CA14: variants seen among roughly 807,000 people sequenced by gnomAD.
CA14 encodes the protein carbonic anhydrase 14, also known as CA-XIV.
A neutral mutation model predicts 48.8 loss-of-function variants in CA14; 44 were observed. The ratio of observed to expected loss-of-function variants is 0.90; its 90% CI spans 0.71 to 1.16. The LOEUF (loss-of-function observed/expected upper bound fraction) is 1.16. Among genes scored for constraint, CA14 ranks in the 50% most tolerant of loss-of-function variants. CA14 has a pLI of 0.00. For missense variants in CA14, 386 were observed against 401.0 expected (o/e 0.96, Z 0.32); for synonymous variants, 154 against 155.0 (o/e 0.99, Z 0.05).
chr1:150,263,026 A>C lies in CA14; in HGVS notation c.563-16A>C, dbSNP rs782090209. On this transcript the variant is annotated splice_polypyrimidine_tract_variant and intron_variant, in intron 6 of 10. Coordinates refer to ENST00000369111, the MANE Select transcript of CA14 (RefSeq NM_012113.3). ...GCACACTGAAAGGAAGATGAGTCCC[A>C]GTCTGTTCTCCCCAGATCAGAAGAC... is the stretch of plus-strand genomic sequence containing the variant. 3.1e-6 allele frequency: 5 copies of C among 1,613,584 alleles called. No homozygotes were observed. In the Admixed American group the frequency reaches 8.3e-5, roughly 27 times the overall value.
intron 1 of CA14, 29 bp downstream of exon 1, chr1:150,258,212 A>G (rs1182948536): frequency 2.5e-6 from 4 of 1,591,016 alleles, no homozygotes; most frequent in Non-Finnish European, 2.6e-6. Context: ...CTGTGTGTGG[A>G]TTTGTGCTGA....
In CA14 at chr1:150,263,329, A is replaced by G; in HGVS notation, c.751A>G (p.Thr251Ala). ...LEKLQGTLFSTEEEPSKLLVQ... is the reference protein window; with the variant it reads ...LEKLQGTLFSAEEEPSKLLVQ... ...AAAGCTTCAGGGGACATTGTTCTCC[A>G]CAGAAGAGGAGCCCTCTAAGCTTCT... Residue 251 changes from threonine to alanine, a missense_variant, in exon 8 of 11, where the codon ACA becomes GCA. Thr to Ala is a moderately conservative substitution (Grantham distance 58). Transcript: ENST00000369111. 1 of 1,614,168 alleles carries G rather than the reference A, an allele frequency of 6.2e-7. No homozygotes were observed. Among genetic ancestry groups the G allele is most frequent in the Non-Finnish European group, 8.5e-7 (1 of 1,180,012 alleles).
intron 4 of CA14, 80 bp from the exon 5 acceptor site, chr1:150,262,445 G>C (rs1651122520): frequency 6.8e-7 from 1 of 1,474,080 alleles, no homozygotes. Flanking sequence ...GGGGACAGCG[G>C]GGGGATGGTG....
At chr1:150,260,028 G>C in intron 1 of CA14, 123 bp from the exon 2 acceptor site, 1 of 926,486 alleles carries the variant, frequency 1.1e-6, no homozygotes, top group Non-Finnish European at 1.7e-6. Context: ...TGCTGGAGCA[G>C]AGGGAGGAGA....
intron 2 of CA14, chr1:150,260,378 G>A: frequency 1.5e-6 from 1 of 676,508 alleles, no homozygotes; most frequent in Admixed American, 2.1e-5. Flanking sequence ...TGATTTGGCA[G>A]AAAAGCTAGT....
intron 9 of CA14, 29 bp downstream of exon 9, chr1:150,263,708 G>A (rs41304255): frequency 0.041 from 66,337 of 1,613,670 alleles, 1,710 homozygotes; most frequent in Middle Eastern, 0.071. Flanking sequence ...ATAATGCGGG[G>A]AGGGGAGGTG....
chr1:150,263,235 G>A lies in CA14; in HGVS notation c.720+36G>A. ...GAGAAACGAGGTGAGGTGAGACACA[G>A]TTGTAACTTCAGACCCCTTCCCACT... On this transcript the variant is annotated intron_variant, in intron 7 of 10. Transcript: ENST00000369111. The A allele has an allele frequency of 2.5e-6, 4 of 1,613,818 alleles. No individual in the cohort carries two copies. The East Asian group carries it at 6.7e-5, about 27-fold the overall frequency.
At position 150,261,562 on chromosome 1, in the gene CA14, T is replaced by C. The variant is rs782586866; in HGVS notation, c.180T>C (p.Asp60=). The C allele has an allele frequency of 1.2e-6, 2 of 1,614,172 alleles. No homozygotes were observed. Among genetic ancestry groups the C allele is most frequent in the African/African-American group, 2.7e-5 (2 of 75,038 alleles). ...IQTDSVTFDP[D]LPALQPHGYD... is the part of the protein sequence containing the mutation. The stretch of plus-strand genomic sequence containing the variant: ...CAGACAGTGTGACATTTGACCCTGA[T>C]TTGCCTGCTCTGCAGCCCCACGGAT... The change falls in exon 3 of 11, where the codon GAT becomes GAC. Residue 60 remains aspartate, a synonymous_variant. Transcript: ENST00000369111.
intron 7 of CA14, 48 bp downstream of exon 7, chr1:150,263,247 G>A (rs970584562): frequency 6.2e-7 from 1 of 1,613,722 alleles, no homozygotes; most frequent in Admixed American, 1.7e-5. Context: ...TGTAACTTCA[G>A]ACCCCTTCCC....
chr1:150,260,470 G>A, intron 2 of CA14: 1 of 496,864 alleles, frequency 2.0e-6, no homozygotes, highest in Non-Finnish European at 3.7e-6. Flanking sequence ...TAGCTGCCAG[G>A]TCTCCTTCTG....
intron 1 of CA14, 67 bp from the exon 2 acceptor site, chr1:150,260,084 G>T: frequency 6.7e-7 from 1 of 1,500,984 alleles, no homozygotes; most frequent in Non-Finnish European, 9.3e-7. Context: ...CAGAGGGAGG[G>T]GAGTGTGGAG....
At chr1:150,259,282 T>A (rs1650796363) in intron 1 of CA14, among the ~76,000 whole-genome samples, 1 of 152,206 alleles carries the variant, frequency 6.6e-6, no homozygotes, top group Non-Finnish European at 1.5e-5. Flanking sequence ...AGTATGAATA[T>A]TGCAGCATAA....
chr1:150,261,335 A>T (rs1352437035), intron 2 of CA14, 124 bp from the exon 3 acceptor site: 1 of 798,700 alleles, frequency 1.3e-6, no homozygotes, highest in Non-Finnish European at 2.0e-6. Context: ...GGGTGGAGGG[A>T]AGTCCATTTC....
intron 4 of CA14, 56 bp downstream of exon 4, chr1:150,262,356 G>T: frequency 6.4e-7 from 1 of 1,562,406 alleles, no homozygotes; most frequent in Non-Finnish European, 8.7e-7. Context: ...GGGTGGTCCT[G>T]GGGAAAGGAT....
Position 150,263,835 on chromosome 1 carries a change from C to T in CA14, c.904C>T (p.Leu302Phe). The T allele has an allele frequency of 6.2e-7, 1 of 1,613,886 alleles. No individual in the cohort carries two copies. Among genetic ancestry groups the T allele is most frequent in the Non-Finnish European group, 8.5e-7 (1 of 1,179,948 alleles). ...SLGVGILVGCLCLLLAVYFIA... is the reference protein window; with the variant it reads ...SLGVGILVGCFCLLLAVYFIA... ...AGGTGTAGGAATCTTGGTTGGCTGT[C>T]TCTGCCTTCTCCTGGCTGTTTATTT... is the stretch of plus-strand genomic sequence containing the variant. The change falls in exon 10 of 11, where the codon CTC (leucine) becomes TTC (phenylalanine). Residue 302 changes from leucine (L) to phenylalanine (F), a missense_variant. Coordinates refer to ENST00000369111, the MANE Select transcript of CA14 (RefSeq NM_012113.3).
chr1:150,264,860 TGTA>T lies in CA14; in HGVS notation c.*203_*205del, dbSNP rs1445254236. 6.6e-6 allele frequency: 3 copies of T among 455,190 alleles called. No individual in the cohort carries two copies. Among genetic ancestry groups the T allele is most frequent in the Non-Finnish European group, 1.2e-5 (3 of 253,464 alleles). 28.2% of individuals were successfully genotyped at this position (455,190 alleles called of 1,614,324 possible). A position where few individuals can be genotyped will look rare whatever the true frequency, so the allele number is the denominator to read the frequency against. ...GCAGAGCCTTCAGCCTCTCCAAACATGTAGGAGGAAATGAGGAAATCGCTGTGT... is the reference window on the plus strand; with the variant it reads ...GCAGAGCCTTCAGCCTCTCCAAACATGGAGGAAATGAGGAAATCGCTGTGT... On this transcript the variant is annotated 3_prime_UTR_variant, in exon 11 of 11. Transcript: ENST00000369111.
At position 150,264,858 on chromosome 1, in the gene CA14, C is replaced by A; in HGVS notation, c.*199C>A. On this transcript the variant is annotated 3_prime_UTR_variant, in exon 11 of 11. Transcript: ENST00000369111. ...CTGCAGAGCCTTCAGCCTCTCCAAA[C>A]ATGTAGGAGGAAATGAGGAAATCGC... The A allele has an allele frequency of 2.2e-6, 1 of 460,038 alleles. No homozygotes were observed. The highest frequency in any genetic ancestry group is 3.9e-6 in the Non-Finnish European group (1 of 256,612). The allele number at this position is 460,038 out of a possible 1,614,324, so 28.5% of individuals were successfully genotyped here.
chr1:150,261,464 C>T lies in CA14; in HGVS notation c.82C>T (p.His28Tyr). ...TCTTTGGTAACCCCCACCAGGCCCA[C>T]ATGGTCAGGACCATTGGCCAGCCTC... Reference protein sequence around the residue: ...GGQHWTYEGPHGQDHWPASYP... With the variant: ...GGQHWTYEGPYGQDHWPASYP... The change falls in exon 3 of 11, where the codon CAT becomes TAT. Residue 28 changes from histidine (H) to tyrosine (Y), a missense_variant. Coordinates refer to ENST00000369111, the MANE Select transcript of CA14 (RefSeq NM_012113.3). The T allele has an allele frequency of 1.2e-6, 2 of 1,613,762 alleles. No individual in the cohort carries two copies. The highest frequency in any genetic ancestry group is 1.1e-5 in the South Asian group (1 of 91,042).
In CA14 at chr1:150,263,346, T is replaced by A; in HGVS notation, c.768T>A (p.Ser256=). ...TGTTCTCCACAGAAGAGGAGCCCTCTAAGCTTCTGGTACAGAACTACCGAG... is the reference window on the plus strand; with the variant it reads ...TGTTCTCCACAGAAGAGGAGCCCTCAAAGCTTCTGGTACAGAACTACCGAG... The part of the protein sequence containing the change: ...GTLFSTEEEP[S]KLLVQNYRAL... Residue 256 remains serine, a synonymous_variant, in exon 8 of 11, where the codon TCT becomes TCA. Coordinates refer to ENST00000369111, the MANE Select transcript of CA14 (RefSeq NM_012113.3). 1 of 1,614,226 alleles carries A rather than the reference T, an allele frequency of 6.2e-7. No homozygotes were observed. Among genetic ancestry groups the A allele is most frequent in the African/African-American group, 1.3e-5 (1 of 75,048 alleles).
Sources: allele counts gnomAD v4.1 joint callset (sites outside exome capture counted in the v4.1 genomes callset), GRCh38; gene constraint gnomAD v4.1.1; transcripts MANE v1.5; gene names NCBI Gene and HGNC (gene_info 2026-07-23, HGNC 2026-07-21).